Variants in PCNX1 observed in about 807,000 individuals in gnomAD.
The protein encoded by PCNX1 is pecanex 1.
In PCNX1, 78 loss-of-function variants were observed where a neutral mutation model predicts 242.2. The observed-to-expected ratio is 0.32, with a 90% CI of 0.27 to 0.39. PCNX1 has a LOEUF of 0.39. Ranked by LOEUF, PCNX1 falls within the 10% of genes least tolerant of loss-of-function variation. The probability of loss-of-function intolerance (pLI) is 1.00; values close to 1 mark genes in which losing one functional copy is unlikely to be tolerated. For synonymous variants in PCNX1, 1,024 were observed against 1,032.9 expected (o/e 0.99, Z 0.17); for missense variants, 2,581 against 2,856.5 (o/e 0.90, Z 2.20).
At position 70,970,513 on chromosome 14, in the gene PCNX1, T is replaced by C. The variant is rs189698285; in HGVS notation, c.604+1403T>C. ...TTGGTGCCCTTGTGTTTAGGGATTA[T>C]ATATCTTATTTTATATCTGGAAAGT... is the stretch of plus-strand genomic sequence containing the variant. On this transcript the variant is annotated intron_variant, in intron 5 of 35. Coordinates refer to ENST00000304743, the MANE Select transcript of PCNX1 (RefSeq NM_014982.3). 4.6e-5 allele frequency among the ~76,000 whole-genome samples: 7 copies of C among 152,352 alleles called. No homozygotes were observed. The East Asian group carries it at 1.3e-3, about 29-fold the overall frequency.
At chr14:71,065,241 T>TAAA (rs2061418854) in intron 26 of PCNX1, among the ~76,000 whole-genome samples, 1 of 152,246 alleles carries the variant, frequency 6.6e-6, no homozygotes, top group African/African-American at 2.4e-5. Flanking sequence ...ACCAACAGTG[T>TAAA]AAAAGCATTC....
At chr14:71,045,011 G>A in intron 19 of PCNX1, 122 bp from the exon 20 acceptor site, 1 of 666,452 alleles carries the variant, frequency 1.5e-6, no homozygotes, top group Non-Finnish European at 2.5e-6. Context: ...AAAATGTTTA[G>A]TTCTTATATT....
intron 19 of PCNX1, 31 bp downstream of exon 19, chr14:71,036,188 T>G (rs747863292): frequency 7.2e-7 from 1 of 1,397,894 alleles, no homozygotes; most frequent in Non-Finnish European, 1.0e-6. Context: ...TTTATTTGTT[T>G]GTTTGTTTGA....
intron 30 of PCNX1, among the ~76,000 whole-genome samples, chr14:71,096,354 G>A (rs1418069404): frequency 6.6e-6 from 1 of 152,028 alleles, no homozygotes; most frequent in Non-Finnish European, 1.5e-5. Flanking sequence ...GGGGGCGTGT[G>A]CCTGTACTTA....
At chr14:71,055,684 CTAAA>C (rs2061164856) in intron 25 of PCNX1, 122 bp downstream of exon 25, 1 of 572,264 alleles carries the variant, frequency 1.7e-6, no homozygotes, top group Admixed American at 2.8e-5. Context: ...CTTTTAAAAA[CTAAA>C]TATTATTTGT....
At chr14:70,941,794 TG>T (rs2057258147) in intron 1 of PCNX1, among the ~76,000 whole-genome samples, 1 of 152,218 alleles carries the variant, frequency 6.6e-6, no homozygotes, top group African/African-American at 2.4e-5. Flanking sequence ...TAGAGCTTCC[TG>T]GCAGCTTTGT....
intron 1 of PCNX1, among the ~76,000 whole-genome samples, chr14:70,909,808 T>G (rs989401990): frequency 6.6e-6 from 1 of 152,082 alleles, no homozygotes; most frequent in Non-Finnish European, 1.5e-5. Flanking sequence ...CTTATCTCAA[T>G]TAATGGCAGT....
Position 71,068,591 on chromosome 14 carries a change from CGTGTGT to C in PCNX1, c.4853-4927_4853-4922del, listed in dbSNP as rs373964832. ...GACTTTTTAGGTTTGTATGTACGTGCGTGTGTGTGTGTGTGTGTGTGTGTGTGTGTG... is the reference window on the plus strand; with the variant it reads ...GACTTTTTAGGTTTGTATGTACGTGCGTGTGTGTGTGTGTGTGTGTGTGTG... On this transcript the variant is annotated intron_variant, in intron 26 of 35. Coordinates refer to ENST00000304743, the MANE Select transcript of PCNX1 (RefSeq NM_014982.3). 1.0e-4 allele frequency among the ~76,000 whole-genome samples: 13 copies of C among 124,022 alleles called. No individual in the cohort carries two copies. The South Asian group carries it at 1.6e-3, about 15-fold the overall frequency. 81.4% of individuals were successfully genotyped at this position (124,022 alleles called of 152,430 possible).
chr14:71,047,144 G>A, intron 21 of PCNX1, 39 bp downstream of exon 21: 3 of 1,231,642 alleles, frequency 2.4e-6, no homozygotes, highest in Non-Finnish European at 2.2e-6. Context: ...TGACTACTGG[G>A]GGCTGTTATA....
chr14:70,919,722 CCCCCCCCA>C (rs2056301509), intron 1 of PCNX1, among the ~76,000 whole-genome samples: 1 of 39,860 alleles, frequency 2.5e-5, no homozygotes. Context: ...CCCCCCCCCC[CCCCCCCCA>C]CCAAATAGGA....
At chr14:71,054,846 CA>C (rs775793115) in intron 24 of PCNX1, among the ~76,000 whole-genome samples, 1 of 152,118 alleles carries the variant, frequency 6.6e-6, no homozygotes, top group African/African-American at 2.4e-5. Flanking sequence ...TCATTAGGGA[CA>C]TTTTTTTGTG....
chr14:71,013,003 C>G lies in PCNX1; in HGVS notation c.2797C>G (p.Arg933Gly), dbSNP rs370356783. 27 of 1,613,070 alleles carry G rather than the reference C, an allele frequency of 1.7e-5. No individual in the cohort carries two copies. The African/African-American group carries it at 2.7e-4, about 16-fold the overall frequency. ...CTTTTAGCTCTCTCTCCCACAGATT[C>G]GATTGAATAGACTATTGACCATTGA... The part of the protein sequence containing the change: ...PHDVLSLPQI[R>G]LNRLLTIDTD... Residue 933 changes from arginine to glycine, a missense_variant, in exon 11 of 36, where the codon CGA becomes GGA. Arg to Gly is a moderately radical substitution (Grantham distance 125, BLOSUM62 -2). Coordinates refer to ENST00000304743, the MANE Select transcript of PCNX1 (RefSeq NM_014982.3).
intron 5 of PCNX1, among the ~76,000 whole-genome samples, chr14:70,976,533 C>T (rs559850291): frequency 3.3e-5 from 5 of 152,074 alleles, no homozygotes; most frequent in East Asian, 1.9e-4. Context: ...CCACCACGCC[C>T]GGCTAATTTT....
chr14:70,957,090 G>A (rs1288977001), intron 2 of PCNX1, among the ~76,000 whole-genome samples: 1 of 151,916 alleles, frequency 6.6e-6, no homozygotes, highest in Non-Finnish European at 1.5e-5. Context: ...TTACCTCCCG[G>A]GCTAAATCTG....
intron 26 of PCNX1, among the ~76,000 whole-genome samples, chr14:71,062,798 T>C (rs1166896326): frequency 6.6e-6 from 1 of 152,218 alleles, no homozygotes; most frequent in Non-Finnish European, 1.5e-5. Context: ...CCAGAGCAAC[T>C]TCCAGTCCTG....
intron 24 of PCNX1, among the ~76,000 whole-genome samples, chr14:71,054,033 C>G (rs2061114191): frequency 6.6e-6 from 1 of 151,748 alleles, no homozygotes; most frequent in African/African-American, 2.4e-5. Flanking sequence ...ATTTGCCTGC[C>G]TTGGCCTCTC....
At chr14:71,103,370 A>G (rs2062515482) in intron 31 of PCNX1, 25 bp from the exon 32 acceptor site, 7 of 1,610,628 alleles carry the variant, frequency 4.3e-6, no homozygotes, top group Non-Finnish European at 5.9e-6. Context: ...CCCTTAACCT[A>G]ATTCCCTTGT....
chr14:71,086,739 T>A (rs61990451), intron 28 of PCNX1, among the ~76,000 whole-genome samples: 2,162 of 152,340 alleles, frequency 0.014, 24 homozygotes, highest in Middle Eastern at 0.034. Flanking sequence ...CACTCTGCCC[T>A]GTGAGCTCCA....
chr14:71,059,403 G>C (rs923533269), intron 26 of PCNX1, among the ~76,000 whole-genome samples: 1 of 151,356 alleles, frequency 6.6e-6, no homozygotes, highest in Non-Finnish European at 1.5e-5. Context: ...TTTTTTAAGA[G>C]ACAGGGGTCT....
Sources: gnomAD v4.1 joint callset for allele counts (sites outside exome capture counted in the v4.1 genomes callset) on GRCh38, gnomAD v4.1.1 for gene constraint, MANE v1.5 for transcripts, NCBI Gene and HGNC (gene_info 2026-07-23, HGNC 2026-07-21) for gene names.